NDUFA10: variants seen among roughly 807,000 people sequenced by gnomAD.
NDUFA10 encodes NADH:ubiquinone oxidoreductase subunit A10.
In NDUFA10, 40 loss-of-function variants were observed where a neutral mutation model predicts 47.8. The ratio of observed to expected loss-of-function variants is 0.84; its 90% CI spans 0.65 to 1.09. The LOEUF (loss-of-function observed/expected upper bound fraction) is 1.09. NDUFA10 is among the 50% of genes least tolerant of loss of function. The probability of loss-of-function intolerance (pLI) is 0.00; values close to 1 mark genes in which losing one functional copy is unlikely to be tolerated. For synonymous variants in NDUFA10, 183 were observed against 172.2 expected, an observed-to-expected ratio of 1.06 and a Z score of -0.49; for missense variants, 413 against 451.1, an observed-to-expected ratio of 0.92 and a Z score of 0.76.
chr2:239,973,615 C>A (rs1323133169), intron 9 of NDUFA10: 1 of 471,030 alleles, frequency 2.1e-6, no homozygotes, highest in South Asian at 1.5e-5. Context: ...AAGGAGGGAG[C>A]ACAGTATCTT....
chr2:239,961,814 G>C (rs1694863466), intron 9 of NDUFA10, among the ~76,000 whole-genome samples: 1 of 152,232 alleles, frequency 6.6e-6, no homozygotes, highest in Non-Finnish European at 1.5e-5. Flanking sequence ...CAGGACGACA[G>C]AGCCCAGGAG....
chr2:239,969,537 TC>T (rs1388419422), intron 9 of NDUFA10: 1 of 403,330 alleles, frequency 2.5e-6, no homozygotes, highest in Non-Finnish European at 5.0e-6. Context: ...TGCCAGCTGT[TC>T]CTGTGGACAT....
chr2:239,943,274 A>G (rs1220629584), intron 4 of NDUFA10, among the ~76,000 whole-genome samples: 1 of 152,246 alleles, frequency 6.6e-6, no homozygotes, highest in Non-Finnish European at 1.5e-5. Flanking sequence ...TCAGAGCCAC[A>G]CGAATCTGCC....
At chr2:240,023,220 G>A (rs1318967073) in intron 1 of NDUFA10, among the ~76,000 whole-genome samples, 4 of 152,102 alleles carry the variant, frequency 2.6e-5, no homozygotes, top group African/African-American at 9.7e-5. Flanking sequence ...ATATGATGGG[G>A]TAATAACCTT....
At chr2:239,967,542 A>T (rs548016340) in intron 9 of NDUFA10, among the ~76,000 whole-genome samples, 1 of 152,348 alleles carries the variant, frequency 6.6e-6, no homozygotes, top group African/African-American at 2.4e-5. Context: ...GGAAGGTAAC[A>T]ACAAGACAGT....
chr2:239,918,036 A>G (rs1410286752), intron 4 of NDUFA10, among the ~76,000 whole-genome samples: 3 of 152,124 alleles, frequency 2.0e-5, no homozygotes, highest in South Asian at 2.1e-4. Context: ...TGGGGAGAGG[A>G]GGCCTGGGCT....
intron 8 of NDUFA10, among the ~76,000 whole-genome samples, chr2:239,991,198 C>T (rs554642258): frequency 1.3e-5 from 2 of 152,298 alleles, no homozygotes; most frequent in African/African-American, 4.8e-5. Flanking sequence ...ATGAATCATG[C>T]TTCCACAGAC....
chr2:240,014,304 AG>A (rs1440330679), intron 5 of NDUFA10: 1 of 279,970 alleles, frequency 3.6e-6, no homozygotes, highest in Non-Finnish European at 7.0e-6. Context: ...AGTAAGAAAA[AG>A]GGGGAGAGGC....
chr2:239,922,902 G>A (rs1398678606), intron 4 of NDUFA10, among the ~76,000 whole-genome samples: 2 of 152,188 alleles, frequency 1.3e-5, no homozygotes, highest in Non-Finnish European at 2.9e-5. Context: ...TTACCATGAG[G>A]CTGCAAACCA....
chr2:240,000,359 A>G (rs1256798848), intron 8 of NDUFA10, among the ~76,000 whole-genome samples: 9 of 152,204 alleles, frequency 5.9e-5, no homozygotes, highest in African/African-American at 1.4e-4. Flanking sequence ...GACTCCAGGT[A>G]GGCCCAGGCC....
intron 9 of NDUFA10, among the ~76,000 whole-genome samples, chr2:239,985,964 C>T (rs1663117818): frequency 6.7e-6 from 1 of 149,294 alleles, no homozygotes; most frequent in Non-Finnish European, 1.5e-5. Flanking sequence ...CAGCCAAAGG[C>T]TCAAAGAGTG....
chr2:239,892,621 T>C (rs1693316270), exon 6 of NDUFA10: 1 of 152,176 alleles, frequency 6.6e-6, no homozygotes, highest in Admixed American at 6.5e-5. Context: ...CAGGAACGGA[T>C]GGAAGCAGGG....
intron 5 of NDUFA10, among the ~76,000 whole-genome samples, chr2:239,893,469 G>A (rs1693333758): frequency 2.0e-5 from 3 of 152,336 alleles, no homozygotes; most frequent in Non-Finnish European, 4.4e-5. Context: ...AAAAAGAATA[G>A]AACATTATTT....
intron 4 of NDUFA10, among the ~76,000 whole-genome samples, chr2:239,921,974 CTCCTTCTTTCCTTCCCTCCCTCCT>C (rs1294812785): frequency 1.8e-4 from 25 of 136,984 alleles, no homozygotes; most frequent in East Asian, 1.2e-3. Context: ...CCCTCCTTTC[CTCCTTCTTTCCTTCCCTCCCTCCT>C]TCCTTCTTTC....
chr2:239,952,616 G>A (rs887005342), downstream of NDUFA10, among the ~76,000 whole-genome samples: 1 of 141,354 alleles, frequency 7.1e-6, no homozygotes, highest in Admixed American at 6.8e-5. Flanking sequence ...CTTCCTCCCA[G>A]AGGCCTCCCT....
intron 9 of NDUFA10, chr2:239,983,418 T>C (rs1344669088): frequency 6.9e-7 from 1 of 1,458,650 alleles, no homozygotes; most frequent in Non-Finnish European, 9.2e-7. Flanking sequence ...GAAATGGTCA[T>C]TATTATTTAT....
intron 4 of NDUFA10, among the ~76,000 whole-genome samples, chr2:239,900,405 G>A (rs1347278148): frequency 7.2e-6 from 1 of 139,370 alleles, no homozygotes; most frequent in Non-Finnish European, 1.6e-5. Flanking sequence ...ACTAATACAG[G>A]CCTCTAGCCA....
intron 8 of NDUFA10, among the ~76,000 whole-genome samples, chr2:239,996,287 T>C (rs1433596457): frequency 6.6e-6 from 1 of 152,130 alleles, no homozygotes; most frequent in East Asian, 1.9e-4. Context: ...TAGGAAACAC[T>C]GGCCATAGAA....
At chr2:239,917,742 T>G (rs901257594) in intron 4 of NDUFA10, among the ~76,000 whole-genome samples, 1 of 152,226 alleles carries the variant, frequency 6.6e-6, no homozygotes, top group African/African-American at 2.4e-5. Context: ...AAAAGTCATG[T>G]GCTGTCTTTG....
Sources: gnomAD v4.1 joint callset for allele counts (sites outside exome capture counted in the v4.1 genomes callset) on GRCh38, gnomAD v4.1.1 for gene constraint, MANE v1.5 for transcripts, NCBI Gene and HGNC (gene_info 2026-07-23, HGNC 2026-07-21) for gene names.